CAMTA1: variants seen among roughly 807,000 people sequenced by gnomAD.
The protein encoded by CAMTA1 is calmodulin binding transcription activator 1, also known as calmodulin-binding transcription activator 1.
CAMTA1 carries 27 observed loss-of-function variants against 170.9 expected under a neutral mutation model. The observed-to-expected ratio is 0.16, with a 90% CI of 0.12 to 0.22. The LOEUF (loss-of-function observed/expected upper bound fraction) is 0.22. CAMTA1 is among the 10% of genes least tolerant of loss of function. CAMTA1 has a pLI of 1.00. For missense variants in CAMTA1, 1,619 were observed against 2,217.2 expected (o/e 0.73, Z 5.42); for synonymous variants, 833 against 891.5 (o/e 0.93, Z 1.17).
At chr1:7,646,360 A>T (rs1407477318) in intron 7 of CAMTA1, among the ~76,000 whole-genome samples, 1 of 72,388 alleles carries the variant, frequency 1.4e-5, no homozygotes, top group Non-Finnish European at 2.7e-5. Flanking sequence ...AGGCCCTGGT[A>T]AGTTGGATGG....
In CAMTA1 at chr1:7,663,849, C is replaced by T. The variant is rs1342645597; in HGVS notation, c.1302C>T (p.Ala434=). The T allele has an allele frequency of 5.6e-6, 9 of 1,613,972 alleles. No individual in the cohort carries two copies. The highest frequency in any genetic ancestry group is 1.7e-5 in the Admixed American group (1 of 60,016). The part of the protein sequence containing the change: ...SPDASQGLVL[A]VSSDGHKFAF... Reference sequence around the variant, plus strand: ...ACGCCTCTCAGGGCCTCGTCCTGGCCGTGAGCTCTGATGGCCACAAGTTCG... The same window carrying T: ...ACGCCTCTCAGGGCCTCGTCCTGGCTGTGAGCTCTGATGGCCACAAGTTCG... The change falls in exon 9 of 23, where the codon GCC becomes GCT. Residue 434 remains alanine, a synonymous_variant. Coordinates refer to ENST00000303635, the MANE Select transcript of CAMTA1 (RefSeq NM_015215.4).
intron 5 of CAMTA1, among the ~76,000 whole-genome samples, chr1:7,459,597 T>G (rs1174010339): frequency 6.6e-6 from 1 of 152,172 alleles, no homozygotes; most frequent in Non-Finnish European, 1.5e-5. Flanking sequence ...CCCTTGGACA[T>G]CAGCGTAGCA....
intron 1 of CAMTA1, among the ~76,000 whole-genome samples, chr1:6,811,819 G>C (rs989995213): frequency 6.6e-6 from 1 of 152,208 alleles, no homozygotes; most frequent in African/African-American, 2.4e-5. Flanking sequence ...CTCCATTCCG[G>C]GGCTGTGGCT....
chr1:7,500,834 A>G (rs1404827984), intron 6 of CAMTA1, among the ~76,000 whole-genome samples: 1 of 152,042 alleles, frequency 6.6e-6, no homozygotes, highest in Admixed American at 6.5e-5. Context: ...TCTCGGTGAC[A>G]TCAGGCAGTT....
chr1:7,225,473 C>T (rs1047993342), intron 4 of CAMTA1, among the ~76,000 whole-genome samples: 1 of 152,196 alleles, frequency 6.6e-6, no homozygotes, highest in Non-Finnish European at 1.5e-5. Context: ...CTCCGAGTGG[C>T]CCTGGGAATT....
In CAMTA1 at chr1:6,881,811, C is replaced by T. The variant is rs150853994; in HGVS notation, c.234+56601C>T. On this transcript the variant is annotated intron_variant, in intron 3 of 22. Coordinates refer to ENST00000303635, the MANE Select transcript of CAMTA1 (RefSeq NM_015215.4). ...TGAAACCCTGTCACTACTAAAAATA[C>T]GAAAAATTAACTGGGCATGGTGGCG... 2.4e-3 allele frequency among the ~76,000 whole-genome samples: 371 copies of T among 151,990 alleles called. 2 individuals carry two copies. The highest frequency in any genetic ancestry group is 8.3e-3 in the African/African-American group (346 of 41,458).
chr1:6,949,749 A>G (rs1365836057), intron 3 of CAMTA1, among the ~76,000 whole-genome samples: 1 of 152,216 alleles, frequency 6.6e-6, no homozygotes, highest in Non-Finnish European at 1.5e-5. Context: ...CAACAAGTTC[A>G]TTTTTCAAAA....
At chr1:7,423,213 G>A (rs1349948686) in intron 5 of CAMTA1, among the ~76,000 whole-genome samples, 2 of 152,184 alleles carry the variant, frequency 1.3e-5, no homozygotes, top group Non-Finnish European at 2.9e-5. Flanking sequence ...GCTCAGGCCT[G>A]TAAGCCCAGC....
At position 7,704,507 on chromosome 1, in the gene CAMTA1, A is replaced by G. The variant is rs1414088060; in HGVS notation, c.2914+26774A>G. On this transcript the variant is annotated intron_variant, in intron 11 of 22. Transcript: ENST00000303635. Reference sequence around the variant, plus strand: ...ACGCCCGGGCCGCGCTCCGCCCGCAACCTCCGGCCGGGCCCCCGCCGTCCA... The same window carrying G: ...ACGCCCGGGCCGCGCTCCGCCCGCAGCCTCCGGCCGGGCCCCCGCCGTCCA... Among the ~76,000 whole-genome samples, 16 of 146,146 alleles carry G rather than the reference A, an allele frequency of 1.1e-4. No homozygotes were observed. In the East Asian group the frequency reaches 2.9e-3, roughly 26 times the overall value.
chr1:7,239,410 G>A (rs1259093274), intron 4 of CAMTA1, among the ~76,000 whole-genome samples: 4 of 152,162 alleles, frequency 2.6e-5, no homozygotes, highest in South Asian at 2.1e-4. Context: ...CAGGCTATAT[G>A]TTCTCATTCC....
At chr1:7,361,978 C>T (rs1342931756) in intron 5 of CAMTA1, among the ~76,000 whole-genome samples, 1 of 152,208 alleles carries the variant, frequency 6.6e-6, no homozygotes, top group Admixed American at 6.5e-5. Flanking sequence ...TTTAATATTT[C>T]TTGAATGCAT....
intron 5 of CAMTA1, among the ~76,000 whole-genome samples, chr1:7,371,247 GT>G (rs2086443911): frequency 5.6e-5 from 1 of 17,846 alleles, no homozygotes; most frequent in African/African-American, 1.5e-4. Flanking sequence ...GGTTTTGTTT[GT>G]TTGTTTGTTT....
intron 3 of CAMTA1, among the ~76,000 whole-genome samples, chr1:7,082,628 A>G (rs550838879): frequency 1.2e-4 from 19 of 152,130 alleles, no homozygotes; most frequent in Non-Finnish European, 2.8e-4. Flanking sequence ...CTGCCTTTCT[A>G]TTCCTTGTCC....
At chr1:7,425,737 T>A (rs1290377533) in intron 5 of CAMTA1, among the ~76,000 whole-genome samples, 1 of 149,662 alleles carries the variant, frequency 6.7e-6, no homozygotes, top group African/African-American at 2.5e-5. Flanking sequence ...TCCATCCACC[T>A]CACTCTGTTG....
intron 3 of CAMTA1, among the ~76,000 whole-genome samples, chr1:6,892,597 CTTTTTTTTT>C (rs70984032): frequency 1.7e-5 from 2 of 120,848 alleles, no homozygotes; most frequent in African/African-American, 6.4e-5. Flanking sequence ...TTTTTCTTTT[CTTTTTTTTT>C]TTTTTTTTGC....
In CAMTA1 at chr1:6,986,113, C is replaced by T. The variant is rs1454905898; in HGVS notation, c.235-105191C>T. Reference sequence around the variant, plus strand: ...GTCTTTCTGTGCCTTTCCCCTGTTGCCCTGCAGGTGGGTATCAGAGGACGG... The same window carrying T: ...GTCTTTCTGTGCCTTTCCCCTGTTGTCCTGCAGGTGGGTATCAGAGGACGG... On this transcript the variant is annotated intron_variant, in intron 3 of 22. Transcript: ENST00000303635. Among the ~76,000 whole-genome samples, 4 of 152,298 alleles carry T rather than the reference C, an allele frequency of 2.6e-5. No individual in the cohort carries two copies. The East Asian group carries it at 7.7e-4, about 29-fold the overall frequency.
intron 5 of CAMTA1, among the ~76,000 whole-genome samples, chr1:7,321,576 C>G (rs1678427804): frequency 6.6e-6 from 1 of 152,158 alleles, no homozygotes; most frequent in Admixed American, 6.5e-5. Context: ...TTGTAGCATG[C>G]CCAAGCTCCT....
intron 3 of CAMTA1, among the ~76,000 whole-genome samples, chr1:6,939,816 A>G (rs1686116314): frequency 1.3e-5 from 2 of 152,214 alleles, no homozygotes; most frequent in South Asian, 4.1e-4. Context: ...GCTTCTGCCT[A>G]GCATCTGTCT....
At chr1:7,345,703 T>C (rs1574829361) in intron 5 of CAMTA1, among the ~76,000 whole-genome samples, 1 of 152,292 alleles carries the variant, frequency 6.6e-6, no homozygotes, top group African/African-American at 2.4e-5. Flanking sequence ...CTGGGAAGAT[T>C]ATGCCCCAGT....
Sources: gnomAD v4.1 joint callset for allele counts (sites outside exome capture counted in the v4.1 genomes callset) on GRCh38, gnomAD v4.1.1 for gene constraint, MANE v1.5 for transcripts, NCBI Gene and HGNC (gene_info 2026-07-23, HGNC 2026-07-21) for gene names.